Variants in CLCN6 observed in about 807,000 individuals in gnomAD.
CLCN6 encodes the protein H(+)/Cl(-) exchange transporter 6.
CLCN6 carries 70 observed loss-of-function variants against 109.8 expected under a neutral mutation model. That is an observed-to-expected ratio of 0.64 (90% CI 0.53 to 0.78). The LOEUF is 0.78. Ranked by LOEUF, CLCN6 falls within the 30% of genes least tolerant of loss-of-function variation. The pLI, the probability that CLCN6 is intolerant of heterozygous loss-of-function variation, is 0.00. For missense variants in CLCN6, 984 were observed against 1,142.3 expected (o/e 0.86, Z 2.00); for synonymous variants, 444 against 447.8 (o/e 0.99, Z 0.11).
At position 11,820,738 on chromosome 1, in the gene CLCN6, G is replaced by C. The variant is rs184558886; in HGVS notation, c.346+1184G>C. On this transcript the variant is annotated intron_variant, in intron 5 of 22. Coordinates refer to ENST00000346436, the MANE Select transcript of CLCN6 (RefSeq NM_001286.5). Reference sequence around the variant, plus strand: ...GCCAAGATCACGCCACTGCACTCCAGCCTGGGTGACAGAGCAAGACTCCGT... The same window carrying C: ...GCCAAGATCACGCCACTGCACTCCACCCTGGGTGACAGAGCAAGACTCCGT... 2.6e-5 allele frequency: 5 copies of C among 190,634 alleles called. No individual in the cohort carries two copies. In the East Asian group the frequency reaches 6.6e-4, roughly 25 times the overall value. The allele number at this position is 190,634 out of a possible 1,614,324, so 11.8% of individuals were successfully genotyped here. A position where few individuals can be genotyped will look rare whatever the true frequency, so the allele number is the denominator to read the frequency against.
At chr1:11,819,247 G>A (rs899911064) in intron 4 of CLCN6, among the ~76,000 whole-genome samples, 6 of 152,102 alleles carry the variant, frequency 3.9e-5, no homozygotes, top group Non-Finnish European at 7.4e-5. Context: ...TTTGTTTTCC[G>A]TTGCTTCACT....
rs368845703 is a variant in CLCN6, at chr1:11,834,218, G to C, written c.1527-18G>C. On this transcript the variant is annotated intron_variant, in intron 15 of 22. Transcript: ENST00000346436. This position sits in a 1 kb window ranked among gnomAD's most constrained non-coding sequence, Gnocchi z 4.5. ...CAGTGTGGTTCAAAGCCATGTTCTC[G>C]GTGTTTTCCTTCACTAGCTACATTG... 2.8e-5 allele frequency: 45 copies of C among 1,606,676 alleles called. No individual in the cohort carries two copies. The highest frequency in any genetic ancestry group is 3.5e-5 in the Non-Finnish European group (41 of 1,176,364).
intron 2 of CLCN6, among the ~76,000 whole-genome samples, chr1:11,812,660 A>G (rs1570515640): frequency 1.1e-5 from 1 of 89,466 alleles, no homozygotes; most frequent in African/African-American, 4.3e-5. Context: ...AAGACAAAGT[A>G]TGTTTGTGTG....
intron 13 of CLCN6, among the ~76,000 whole-genome samples, chr1:11,833,174 A>G (rs1386435904): frequency 6.6e-6 from 1 of 152,106 alleles, no homozygotes; most frequent in African/African-American, 2.4e-5. Context: ...ATATTCCCCC[A>G]GTCCTAGGGC....
chr1:11,817,085 CT>C (rs147332335), intron 4 of CLCN6, among the ~76,000 whole-genome samples: 4,059 of 149,828 alleles, frequency 0.027, 169 homozygotes, highest in African/African-American at 0.093. Flanking sequence ...GTTAAAGTTA[CT>C]TTTTTTTTTC....
Position 11,842,402 on chromosome 1 carries a change from C to T in CLCN6, c.*2179C>T, listed in dbSNP as rs1645035995. ...CAAACCCAGGCCCCATGCAAAGGCACGTGGTTTCCTTTTCTCCTCTCTCTG... is the reference window on the plus strand; with the variant it reads ...CAAACCCAGGCCCCATGCAAAGGCATGTGGTTTCCTTTTCTCCTCTCTCTG... On this transcript the variant is annotated 3_prime_UTR_variant, in exon 23 of 23. Transcript: ENST00000346436. 6.5e-6 allele frequency: 1 copy of T among 152,744 alleles called. No homozygotes were observed. Among genetic ancestry groups the T allele is most frequent in the Admixed American group, 6.5e-5 (1 of 15,286 alleles). The allele number at this position is 152,744 out of a possible 1,614,324, so 9.5% of individuals were successfully genotyped here.
intron 1 of CLCN6, 169 bp from the exon 2 acceptor site, chr1:11,806,962 C>T: frequency 1.6e-6 from 1 of 618,528 alleles, no homozygotes. Flanking sequence ...GGCTGTAGAT[C>T]CTCACCCACA....
chr1:11,807,032 A>G, intron 1 of CLCN6, 99 bp from the exon 2 acceptor site: 1 of 1,073,364 alleles, frequency 9.3e-7, no homozygotes, highest in Non-Finnish European at 1.4e-6. Context: ...TAATGGCTCC[A>G]GATGATTTAG....
chr1:11,815,958 A>G (rs750297295), intron 3 of CLCN6, 47 bp downstream of exon 3: 25 of 1,462,468 alleles, frequency 1.7e-5, no homozygotes, highest in Non-Finnish European at 2.3e-5. Flanking sequence ...CAGTCTTAAC[A>G]TGGCATTTTT....
intron 2 of CLCN6, among the ~76,000 whole-genome samples, chr1:11,811,238 G>C (rs189775956): frequency 6.6e-6 from 1 of 152,174 alleles, no homozygotes; most frequent in East Asian, 1.9e-4. Flanking sequence ...GTGTTCTAGC[G>C]TTGCGGTTGT....
At chr1:11,828,988 C>G (rs1332169389) in intron 12 of CLCN6, among the ~76,000 whole-genome samples, 1 of 152,226 alleles carries the variant, frequency 6.6e-6, no homozygotes, top group Non-Finnish European at 1.5e-5. Context: ...GTGGACGTAG[C>G]AGCCCACTTT....
chr1:11,826,968 T>A, intron 9 of CLCN6, 121 bp from the exon 10 acceptor site: 3 of 1,303,178 alleles, frequency 2.3e-6, no homozygotes, highest in Non-Finnish European at 3.1e-6. Flanking sequence ...GACCTGCCCT[T>A]CCAGGATCCC....
chr1:11,824,495 T>C lies in CLCN6; in HGVS notation c.590T>C (p.Val197Ala). The change falls in exon 8 of 23, where the codon GTG (valine) becomes GCG (alanine). Residue 197 changes from valine (V) to alanine (A), a missense_variant. By Grantham distance (64) the Val-to-Ala change is moderately conservative. Transcript: ENST00000346436. ...VLFSVAGGLF[V>A]EKEGPMIHSG... is the part of the protein sequence containing the mutation. ...TTTTCACCCTGCCCAGGGCTCTTCGTGGAGAAGGAAGGCCCCATGATCCAC... is the reference window on the plus strand; with the variant it reads ...TTTTCACCCTGCCCAGGGCTCTTCGCGGAGAAGGAAGGCCCCATGATCCAC... 6.2e-7 allele frequency: 1 copy of C among 1,613,698 alleles called. No homozygotes were observed. The highest frequency in any genetic ancestry group is 8.5e-7 in the Non-Finnish European group (1 of 1,179,720).
Position 11,837,052 on chromosome 1 carries a change from G to C in CLCN6, c.2034G>C (p.Met678Ile). 1 of 1,613,182 alleles carries C rather than the reference G, an allele frequency of 6.2e-7. No homozygotes were observed. The highest frequency in any genetic ancestry group is 8.5e-7 in the Non-Finnish European group (1 of 1,180,038). Residue 678 changes from methionine to isoleucine, a missense_variant, in exon 19 of 23, where the codon ATG (methionine) becomes ATC (isoleucine). Transcript: ENST00000346436. Reference protein sequence around the residue: ...AGEQRKRSQSMKSYPSSELRN... With the variant: ...AGEQRKRSQSIKSYPSSELRN... Reference sequence around the variant, plus strand: ...AGCAGCGCAAACGGAGCCAGTCCATGAAGTCCTACCCATCCAGCGAGCTAC... The same window carrying C: ...AGCAGCGCAAACGGAGCCAGTCCATCAAGTCCTACCCATCCAGCGAGCTAC...
intron 2 of CLCN6, among the ~76,000 whole-genome samples, chr1:11,809,574 C>T (rs887805103): frequency 9.2e-5 from 14 of 152,156 alleles, no homozygotes; most frequent in Middle Eastern, 3.2e-3. Flanking sequence ...TCTCCTACCT[C>T]AGCCTCCCAA....
chr1:11,813,841 A>G (rs1015629630), intron 2 of CLCN6, among the ~76,000 whole-genome samples: 2 of 152,202 alleles, frequency 1.3e-5, no homozygotes, highest in African/African-American at 4.8e-5. Context: ...TGTTTAATCA[A>G]AAAGGGATAT....
chr1:11,831,217 C>A (rs2100648432), intron 13 of CLCN6, among the ~76,000 whole-genome samples: 1 of 151,444 alleles, frequency 6.6e-6, no homozygotes, highest in South Asian at 2.1e-4. Context: ...AGTGGAGTGG[C>A]AAGATCTCGG....
chr1:11,821,507 G>T (rs1644743361), intron 5 of CLCN6, among the ~76,000 whole-genome samples: 1 of 152,212 alleles, frequency 6.6e-6, no homozygotes, highest in Non-Finnish European at 1.5e-5. Flanking sequence ...AGTGAGCCGA[G>T]ATTGCAACAC....
chr1:11,834,066 A>G lies in CLCN6; in HGVS notation c.1526+36A>G, dbSNP rs371670075. 31 of 1,608,268 alleles carry G rather than the reference A, an allele frequency of 1.9e-5. No homozygotes were observed. The highest frequency in any genetic ancestry group is 3.4e-5 in the Admixed American group (2 of 58,752). ...TGTGTGCGTGTGTGTGCGCATGTGCATGTGTGTGCACGTGTGCGTGTGTAT... is the reference window on the plus strand; with the variant it reads ...TGTGTGCGTGTGTGTGCGCATGTGCGTGTGTGTGCACGTGTGCGTGTGTAT... On this transcript the variant is annotated intron_variant, in intron 15 of 22. Coordinates refer to ENST00000346436, the MANE Select transcript of CLCN6 (RefSeq NM_001286.5). This position sits in a 1 kb window ranked among gnomAD's most constrained non-coding sequence, Gnocchi z 4.5.
Sources: gnomAD v4.1 joint callset for allele counts (sites outside exome capture counted in the v4.1 genomes callset) on GRCh38, gnomAD v4.1.1 for gene constraint, Gnocchi (gnomAD v3.1) non-coding constraint, MANE v1.5 for transcripts, NCBI Gene and HGNC (gene_info 2026-07-23, HGNC 2026-07-21) for gene names.